The following THBS3 variants were observed in gnomAD, a reference collection of about 807,000 sequenced individuals.
THBS3 encodes thrombospondin 3, also known as thrombospondin-3.
A neutral mutation model predicts 118.3 loss-of-function variants in THBS3; 78 were observed. That is an observed-to-expected ratio of 0.66 (90% confidence interval 0.55 to 0.80). The LOEUF (loss-of-function observed/expected upper bound fraction) is 0.80. Among genes scored for constraint, THBS3 ranks in the 30% least tolerant of loss-of-function variants. The pLI, the probability that THBS3 is intolerant of heterozygous loss-of-function variation, is 0.00. For missense variants in THBS3, 1,057 were observed against 1,247.4 expected (o/e 0.85, Z 2.30); for synonymous variants, 427 against 475.3 (o/e 0.90, Z 1.32).
intron 16 of THBS3, 134 bp from the exon 17 acceptor site, chr1:155,198,736 G>T: frequency 1.3e-6 from 1 of 788,724 alleles, no homozygotes. Context: ...TGAGGTGAAG[G>T]TCTGGCAGTA....
At chr1:155,203,003 T>G (rs780299703) in intron 7 of THBS3, 43 bp from the exon 8 acceptor site, 1 of 1,613,790 alleles carries the variant, frequency 6.2e-7, no homozygotes, top group South Asian at 1.1e-5. Flanking sequence ...GGTCACTATT[T>G]AAGCCACCAG....
Position 155,195,656 on chromosome 1 carries a change from C to A in THBS3, c.*185G>T. ...CCTGGGGTTAGTGCCTGAGTAATACCCCTTGAAAACTTCTCATCCCCTGAA... is the reference window on the plus strand; with the variant it reads ...CCTGGGGTTAGTGCCTGAGTAATACACCTTGAAAACTTCTCATCCCCTGAA... On this transcript the variant is annotated 3_prime_UTR_variant, in exon 23 of 23. Coordinates refer to ENST00000368378, the MANE Select transcript of THBS3 (RefSeq NM_007112.5). The A allele has an allele frequency of 1.6e-6, 1 of 617,780 alleles. No homozygotes were observed. The highest frequency in any genetic ancestry group is 2.9e-6 in the Non-Finnish European group (1 of 348,966). The allele number at this position is 617,780 out of a possible 1,614,324, so 38.3% of individuals were successfully genotyped here.
In THBS3 at chr1:155,203,296, G is replaced by C; in HGVS notation, c.683C>G (p.Thr228Ser). ...NALHSILGEQ[T>S]KALVTQLTLF... ...GGTGAGTTGGGTGACCAGCGCCTTGGTCTGCTCCCCTGTCGGGACCCAGGG... is the reference window on the plus strand; with the variant it reads ...GGTGAGTTGGGTGACCAGCGCCTTGCTCTGCTCCCCTGTCGGGACCCAGGG... The change falls in exon 6 of 23, where the codon ACC (threonine) becomes AGC (serine). Residue 228 changes from threonine to serine, a missense_variant. Thr to Ser is a moderately conservative substitution (Grantham distance 58, BLOSUM62 1). This residue lies in a region of THBS3 where 544 missense variants were observed against 715.6 expected (regional missense o/e 0.76). Transcript: ENST00000368378. 1.2e-6 allele frequency: 2 copies of C among 1,614,064 alleles called. No individual in the cohort carries two copies. Among genetic ancestry groups the C allele is most frequent in the Non-Finnish European group, 1.7e-6 (2 of 1,180,012 alleles).
At chr1:155,205,474 A>C in intron 2 of THBS3, 158 bp from the exon 3 acceptor site, 2 of 1,063,456 alleles carry the variant, frequency 1.9e-6, no homozygotes, top group Non-Finnish European at 2.6e-6. Flanking sequence ...TACACAATAA[A>C]TGTTTTTGAA....
chr1:155,203,058 G>A (rs1670024532), intron 7 of THBS3, 28 bp downstream of exon 7: 6 of 1,613,786 alleles, frequency 3.7e-6, no homozygotes, highest in East Asian at 2.2e-5. Flanking sequence ...GCACGGTCAT[G>A]TGGAGCCTCC....
chr1:155,204,095 C>T (rs906967334), intron 4 of THBS3, among the ~76,000 whole-genome samples: 4 of 152,088 alleles, frequency 2.6e-5, no homozygotes, highest in African/African-American at 7.2e-5. Context: ...CCACCTCAGC[C>T]TCCCAAAGTG....
Position 155,206,499 on chromosome 1 carries a change from C to G in THBS3, c.80-93G>C, listed in dbSNP as rs550324551. ...CCACATCACCCCCTACCCCCACCAC[C>G]AGGCAGCGTTAGTCACCTCAAAATT... On this transcript the variant is annotated intron_variant, in intron 1 of 22. Coordinates refer to ENST00000368378, the MANE Select transcript of THBS3 (RefSeq NM_007112.5). The surrounding 1 kb of genome is among the most constrained non-coding windows in gnomAD (Gnocchi z 4.2). 15 of 1,130,832 alleles carry G rather than the reference C, an allele frequency of 1.3e-5. No homozygotes were observed. The highest frequency in any genetic ancestry group is 1.9e-5 in the Non-Finnish European group (15 of 781,936). 70.0% of individuals were successfully genotyped at this position (1,130,832 alleles called of 1,614,324 possible). A position where few individuals can be genotyped will look rare whatever the true frequency, so the allele number is the denominator to read the frequency against.
chr1:155,200,635 G>A, intron 13 of THBS3, 25 bp from the exon 14 acceptor site: 4 of 1,611,508 alleles, frequency 2.5e-6, no homozygotes, highest in Non-Finnish European at 3.4e-6. Flanking sequence ...GGGAGGGGAA[G>A]GGTCAGGTCT....
Position 155,196,101 on chromosome 1 carries a change from G to A in THBS3, c.2698C>T (p.Leu900Phe). The A allele has an allele frequency of 1.9e-6, 3 of 1,614,166 alleles. No individual in the cohort carries two copies. The highest frequency in any genetic ancestry group is 1.7e-6 in the Non-Finnish European group (2 of 1,180,034). ...ATGATCACCCCAGAATCCGCCACAA[G>A]CTGGGGTCCCTCATAGAGCTTCACC... ...IRVKLYEGPQ[L>F]VADSGVIIDT... Residue 900 changes from leucine to phenylalanine, a missense_variant, in exon 22 of 23, where the codon CTT (leucine) becomes TTT (phenylalanine). Leu to Phe is a conservative substitution (Grantham distance 22). Coordinates refer to ENST00000368378, the MANE Select transcript of THBS3 (RefSeq NM_007112.5).
chr1:155,195,948 G>A, intron 22 of THBS3, 39 bp downstream of exon 22: 2 of 1,614,198 alleles, frequency 1.2e-6, no homozygotes, highest in East Asian at 2.2e-5. Context: ...TCTCCCACAA[G>A]GCATGAAGGA....
intron 16 of THBS3, chr1:155,198,805 C>T (rs1669134923): frequency 1.7e-6 from 1 of 574,046 alleles, no homozygotes; most frequent in Non-Finnish European, 3.1e-6. Context: ...AGAATTAAGG[C>T]TAAATCATAG....
Position 155,203,207 on chromosome 1 carries a change from G to A in THBS3, c.756+16C>T, listed in dbSNP as rs201281790. On this transcript the variant is annotated intron_variant, in intron 6 of 22. Coordinates refer to ENST00000368378, the MANE Select transcript of THBS3 (RefSeq NM_007112.5). ...TACCCCAGAATCAGTGCCACCCTTC[G>A]CCAGCCCACCCAAACCTGGTCTCGT... is the stretch of plus-strand genomic sequence containing the variant. 226 of 1,614,126 alleles carry A rather than the reference G, an allele frequency of 1.4e-4. 2 individuals carry two copies. Among genetic ancestry groups the A allele is most frequent in the South Asian group, 1.3e-3 (116 of 91,082 alleles).
At position 155,197,540 on chromosome 1, in the gene THBS3, T is replaced by C; in HGVS notation, c.2422A>G (p.Met808Val). The C allele has an allele frequency of 6.2e-7, 1 of 1,614,072 alleles. No individual in the cohort carries two copies. The highest frequency in any genetic ancestry group is 8.5e-7 in the Non-Finnish European group (1 of 1,180,022). Residue 808 changes from methionine to valine, a missense_variant, in exon 20 of 23, where the codon ATG becomes GTG. Transcript: ENST00000368378. The surrounding 1 kb of genome is among the most constrained non-coding windows in gnomAD (Gnocchi z 5.0). ...TAGGTCTGCTCGGTCTGCTTCCACA[T>C]GACTACGTAGAAGCGGCCACTGTCT... is the stretch of plus-strand genomic sequence containing the variant. ...YQDSGRFYVV[M>V]WKQTEQTYWQ...
At position 155,195,799 on chromosome 1, in the gene THBS3, A is replaced by C. The variant is rs371174040; in HGVS notation, c.*42T>G. On this transcript the variant is annotated 3_prime_UTR_variant, in exon 23 of 23. Coordinates refer to ENST00000368378, the MANE Select transcript of THBS3 (RefSeq NM_007112.5). ...GTCTCCAGGATGGACCCCAAGGCCA[A>C]AGGGTCTAAAATTCTGAATTCTGAA... 9.8e-5 allele frequency: 158 copies of C among 1,607,992 alleles called. 2 individuals carry two copies. In the African/African-American group the frequency reaches 1.8e-3, roughly 18 times the overall value.
chr1:155,196,845 T>C, intron 21 of THBS3, 196 bp downstream of exon 21: 1 of 602,682 alleles, frequency 1.7e-6, no homozygotes, highest in Non-Finnish European at 2.9e-6. Context: ...TGCCCTCATT[T>C]TACAGACGGG....
chr1:155,206,161 G>A lies in THBS3; in HGVS notation c.286+39C>T. The stretch of plus-strand genomic sequence containing the variant: ...GTAGGGATGAGGGAGAGTGCTTAAG[G>A]AGGTCACCATTGCAAGAAAGGAGAT... On this transcript the variant is annotated intron_variant, in intron 2 of 22. Transcript: ENST00000368378. The surrounding 1 kb of genome is among the most constrained non-coding windows in gnomAD (Gnocchi z 4.2). 1 of 1,607,750 alleles carries A rather than the reference G, an allele frequency of 6.2e-7. No homozygotes were observed. The highest frequency in any genetic ancestry group is 8.5e-7 in the Non-Finnish European group (1 of 1,176,226).
intron 6 of THBS3, 23 bp from the exon 7 acceptor site, chr1:155,203,160 C>T: frequency 6.2e-7 from 1 of 1,614,208 alleles, no homozygotes; most frequent in Non-Finnish European, 8.5e-7. Flanking sequence ...GGGGAGGAGT[C>T]AGCACTTGAC....
At position 155,201,417 on chromosome 1, in the gene THBS3, C is replaced by G. The variant is rs1385800027; in HGVS notation, c.1329G>C (p.Gln443His). ...CTTCCACGCCTGAAGCCTAGCTCAC[C>G]TGGCAGGACACTGCACCATTGCGTT... ...LFERNGAVSC[Q>H]CNVGWAGNGN... Residue 443 changes from glutamine to histidine, a missense_variant and splice_region_variant, in exon 11 of 23, where the codon CAG becomes CAC. By Grantham distance (24) the Gln-to-His change is conservative (BLOSUM62 0). This residue lies in a region of THBS3 where 544 missense variants were observed against 715.6 expected (regional missense o/e 0.76). Transcript: ENST00000368378. 1 of 1,598,012 alleles carries G rather than the reference C, an allele frequency of 6.3e-7. No individual in the cohort carries two copies. The highest frequency in any genetic ancestry group is 8.5e-7 in the Non-Finnish European group (1 of 1,171,354).
Position 155,206,388 on chromosome 1 carries a change from ACAGT to A in THBS3, c.94_97del (p.Thr32TrpfsTer8), listed in dbSNP as rs1351339986. 1 of 1,613,976 alleles carries A rather than the reference ACAGT, an allele frequency of 6.2e-7. No homozygotes were observed. The highest frequency in any genetic ancestry group is 8.5e-7 in the Non-Finnish European group (1 of 1,180,002). ...AGCTACCATCTGCCGAGACTCGCCC[ACAGT>A]CAGCAGGTCAATTACTGGTCAGGCA... On this transcript the variant is annotated frameshift_variant, in exon 2 of 23. Transcript: ENST00000368378. LOFTEE classifies it high-confidence loss of function. This position sits in a 1 kb window ranked among gnomAD's most constrained non-coding sequence, Gnocchi z 4.2.
Sources: gnomAD v4.1 joint callset for allele counts (sites outside exome capture counted in the v4.1 genomes callset) on GRCh38, gnomAD v4.1.1 for gene constraint, gnomAD v4.1.1 regional missense constraint, Gnocchi (gnomAD v3.1) non-coding constraint, MANE v1.5 for transcripts, NCBI Gene and HGNC (gene_info 2026-07-23, HGNC 2026-07-21) for gene names.